Variants in TASP1 observed in about 807,000 individuals in gnomAD.
The protein encoded by TASP1 is threonine aspartase 1.
A neutral mutation model predicts 56.6 loss-of-function variants in TASP1; 16 were observed. The ratio of observed to expected loss-of-function variants is 0.28; its 90% CI spans 0.19 to 0.43. The LOEUF (loss-of-function observed/expected upper bound fraction) is 0.43. Ranked by LOEUF, TASP1 falls within the 20% of genes least tolerant of loss-of-function variation. The pLI is 1.00. For synonymous variants in TASP1, 179 were observed against 184.2 expected (o/e 0.97, Z 0.23); for missense variants, 393 against 511.6 (o/e 0.77, Z 2.24).
chr20:13,575,338 A>G (rs1297393052), intron 6 of TASP1, among the ~76,000 whole-genome samples: 1 of 152,202 alleles, frequency 6.6e-6, no homozygotes, highest in African/African-American at 2.4e-5. Context: ...ATTGAATTGT[A>G]GCTCCCATAA....
At chr20:13,411,012 G>A (rs995603137) in intron 13 of TASP1, among the ~76,000 whole-genome samples, 1 of 152,082 alleles carries the variant, frequency 6.6e-6, no homozygotes, top group African/African-American at 2.4e-5. Context: ...TATATATGAA[G>A]AGAGTCAGGC....
chr20:13,139,513 G>A, the TASP1 span, among the ~76,000 whole-genome samples: 1 of 152,146 alleles, frequency 6.6e-6, no homozygotes, highest in African/African-American at 2.4e-5. Context: ...GGTTTCCAAA[G>A]TTGCTGACAA....
At chr20:13,357,060 T>C in the TASP1 span, among the ~76,000 whole-genome samples, 1,617 of 152,304 alleles carry the variant, frequency 0.011, 26 homozygotes, top group African/African-American at 0.037. Context: ...AGCCAAGGGA[T>C]ATAAGAAGCT....
At chr20:13,590,639 G>A (rs574583078) in intron 4 of TASP1, among the ~76,000 whole-genome samples, 6 of 152,070 alleles carry the variant, frequency 3.9e-5, no homozygotes, top group Admixed American at 2.0e-4. Flanking sequence ...AGGCCAAGGC[G>A]GGAGGATTAC....
chr20:13,350,949 C>T, the TASP1 span, among the ~76,000 whole-genome samples: 1 of 149,748 alleles, frequency 6.7e-6, no homozygotes, highest in South Asian at 2.1e-4. Context: ...AATCCTTGCA[C>T]CTTGGCTTCC....
the TASP1 span, among the ~76,000 whole-genome samples, chr20:13,338,860 T>C: frequency 2.6e-5 from 4 of 152,076 alleles, no homozygotes; most frequent in Non-Finnish European, 5.9e-5. Flanking sequence ...GAGTAAGCAA[T>C]TGAATTGCTT....
At chr20:13,126,654 C>T in the TASP1 span, 2 of 1,613,956 alleles carry the variant, frequency 1.2e-6, no homozygotes, top group South Asian at 2.2e-5. Context: ...CATGAGCCCA[C>T]CGATAGCAGA....
chr20:13,473,150 T>C (rs1389686814), intron 11 of TASP1, among the ~76,000 whole-genome samples: 2 of 152,150 alleles, frequency 1.3e-5, no homozygotes, highest in East Asian at 1.9e-4. Context: ...TGGAATACTA[T>C]GCAGCCATAA....
At chr20:13,354,756 G>A in the TASP1 span, among the ~76,000 whole-genome samples, 3 of 152,022 alleles carry the variant, frequency 2.0e-5, no homozygotes, top group African/African-American at 7.2e-5. Context: ...CAGCCCTAAA[G>A]ACCGCATCAA....
chr20:13,613,642 A>T (rs1440793678), intron 4 of TASP1, among the ~76,000 whole-genome samples: 5 of 152,088 alleles, frequency 3.3e-5, no homozygotes, highest in Non-Finnish European at 7.4e-5. Flanking sequence ...GAACATTTTC[A>T]CCCAAATACT....
At chr20:13,519,456 G>T (rs1019157316) in intron 10 of TASP1, among the ~76,000 whole-genome samples, 1 of 152,142 alleles carries the variant, frequency 6.6e-6, no homozygotes, top group Non-Finnish European at 1.5e-5. Flanking sequence ...GGGATGCAAG[G>T]CTGGTTCAAC....
At chr20:13,582,240 A>G (rs1359680372) in intron 5 of TASP1, among the ~76,000 whole-genome samples, 1 of 152,018 alleles carries the variant, frequency 6.6e-6, no homozygotes, top group African/African-American at 2.4e-5. Context: ...AAGTTAACTT[A>G]TAAATCCAAA....
chr20:13,551,938 C>A (rs1232991196), intron 8 of TASP1, among the ~76,000 whole-genome samples: 1 of 152,084 alleles, frequency 6.6e-6, no homozygotes, highest in African/African-American at 2.4e-5. Context: ...AGGGGAGATC[C>A]AGATGTCCAT....
chr20:13,284,468 T>G, the TASP1 span, among the ~76,000 whole-genome samples: 1 of 152,362 alleles, frequency 6.6e-6, no homozygotes, highest in South Asian at 2.1e-4. Context: ...TGTCATTATC[T>G]TTGTGATTAT....
the TASP1 span, among the ~76,000 whole-genome samples, chr20:13,333,035 T>C: frequency 4.6e-5 from 7 of 152,368 alleles, no homozygotes; most frequent in Non-Finnish European, 1.0e-4. Context: ...AGAACTCTTC[T>C]GCTTATGTGC....
rs1555806766 is a variant in TASP1, at chr20:13,620,297, C to CACAT, written c.282+3145_282+3148dup. Among the ~76,000 whole-genome samples, 5 of 151,830 alleles carry CACAT rather than the reference C, an allele frequency of 3.3e-5. No individual in the cohort carries two copies. The East Asian group carries it at 9.7e-4, about 29-fold the overall frequency. On this transcript the variant is annotated intron_variant, in intron 4 of 13. Transcript: ENST00000337743. The stretch of plus-strand genomic sequence containing the variant: ...ACACACACACACACACACACACACA[C>CACAT]ACATACATATACACATATTTCTTTT...
chr20:13,188,435 T>C, the TASP1 span, among the ~76,000 whole-genome samples: 1 of 152,150 alleles, frequency 6.6e-6, no homozygotes, highest in African/African-American at 2.4e-5. Context: ...AGCAATTCCA[T>C]TTATAATAGC....
chr20:13,222,510 G>A, the TASP1 span, among the ~76,000 whole-genome samples: 70 of 152,070 alleles, frequency 4.6e-4, no homozygotes, highest in African/African-American at 1.6e-3. Flanking sequence ...CTCCCCCCTT[G>A]TGCCCCCTTG....
intron 4 of TASP1, among the ~76,000 whole-genome samples, chr20:13,588,442 T>TA (rs1020299317): frequency 2.0e-5 from 3 of 151,036 alleles, no homozygotes; most frequent in Middle Eastern, 3.4e-3. Flanking sequence ...AAGAATCCAC[T>TA]AAAAAAAAAT....
Sources: allele counts gnomAD v4.1 joint callset (sites outside exome capture counted in the v4.1 genomes callset), GRCh38; gene constraint gnomAD v4.1.1; transcripts MANE v1.5; gene names NCBI Gene and HGNC (gene_info 2026-07-23, HGNC 2026-07-21).